PHIP: variants seen among roughly 807,000 people sequenced by gnomAD.
PHIP encodes PHIP subunit of CUL4-Ring ligase complex, also known as PH-interacting protein.
Under a neutral mutation model 236.8 loss-of-function variants are expected in PHIP, and 54 were observed. That is an observed-to-expected ratio of 0.23 (90% confidence interval 0.18 to 0.29). The LOEUF is 0.29. Ranked by LOEUF, PHIP falls within the 10% of genes least tolerant of loss-of-function variation. The pLI is 1.00. For missense variants in PHIP, 1,370 were observed against 2,190.8 expected (o/e 0.63, Z 7.48); for synonymous variants, 756 against 718.9 (o/e 1.05, Z -0.83).
At chr6:79,018,832 T>G (rs944160378) in intron 10 of PHIP, among the ~76,000 whole-genome samples, 4 of 152,108 alleles carry the variant, frequency 2.6e-5, no homozygotes, top group Middle Eastern at 3.4e-3. Context: ...ATTTTGAAAC[T>G]ATTTATTCTC....
intron 4 of PHIP, among the ~76,000 whole-genome samples, chr6:79,077,062 G>C (rs1231292373): frequency 6.6e-6 from 1 of 152,084 alleles, no homozygotes; most frequent in African/African-American, 2.4e-5. Flanking sequence ...CGTGCAGAGC[G>C]AGCAAGCGAA....
chr6:78,948,188 A>C (rs2127684061), intron 35 of PHIP, among the ~76,000 whole-genome samples: 1 of 152,338 alleles, frequency 6.6e-6, no homozygotes, highest in South Asian at 2.1e-4. Flanking sequence ...GGAAATAAAA[A>C]CAATGGAAGT....
intron 14 of PHIP, 110 bp downstream of exon 14, chr6:79,015,520 C>CAGCA: frequency 2.4e-6 from 2 of 825,826 alleles, no homozygotes; most frequent in Non-Finnish European, 3.8e-6. Flanking sequence ...GCCGTTACCC[C>CAGCA]AGCAAGCAAG....
chr6:79,041,075 A>G (rs2127759027), intron 7 of PHIP, among the ~76,000 whole-genome samples: 1 of 152,270 alleles, frequency 6.6e-6, no homozygotes, highest in South Asian at 2.1e-4. Context: ...TTTTTTCTGT[A>G]CAGAGCTGGA....
intron 32 of PHIP, chr6:78,956,457 G>C (rs941137460): frequency 6.6e-6 from 1 of 152,030 alleles, no homozygotes; most frequent in African/African-American, 2.4e-5. Flanking sequence ...AATTAAATTA[G>C]ACACTGCAGT....
chr6:79,072,514 CTG>C (rs1773938236), intron 4 of PHIP, among the ~76,000 whole-genome samples: 1 of 151,788 alleles, frequency 6.6e-6, no homozygotes, highest in Admixed American at 6.6e-5. Context: ...CAGGGTATCA[CTG>C]TGTCACCCAC....
chr6:78,993,963 A>G (rs1305051296), intron 19 of PHIP, among the ~76,000 whole-genome samples: 3 of 152,240 alleles, frequency 2.0e-5, no homozygotes, highest in Non-Finnish European at 2.9e-5. Context: ...TGTAGATGCC[A>G]TTAAGAACAT....
At chr6:78,993,708 T>C (rs561085172) in intron 19 of PHIP, among the ~76,000 whole-genome samples, 1 of 152,332 alleles carries the variant, frequency 6.6e-6, no homozygotes, top group South Asian at 2.1e-4. Flanking sequence ...TTTCAAAATA[T>C]TACTGTTCAT....
intron 15 of PHIP, among the ~76,000 whole-genome samples, chr6:79,007,236 C>T (rs931872985): frequency 2.0e-5 from 3 of 152,018 alleles, no homozygotes; most frequent in African/African-American, 4.8e-5. Context: ...GTACTATACA[C>T]AACTAACATA....
intron 7 of PHIP, among the ~76,000 whole-genome samples, chr6:79,037,401 G>A (rs1316135113): frequency 2.6e-5 from 4 of 152,142 alleles, no homozygotes; most frequent in East Asian, 1.9e-4. Context: ...AGAACACAAC[G>A]TCAACACATC....
In PHIP at chr6:78,966,007, G is replaced by A. The variant is rs1269812345; in HGVS notation, c.3255C>T (p.Ile1085=). 6 of 1,613,584 alleles carry A rather than the reference G, an allele frequency of 3.7e-6. No individual in the cohort carries two copies. The highest frequency in any genetic ancestry group is 1.7e-5 in the Admixed American group (1 of 59,990). ...VIDDAWWFGT[I]ESQEPLQLEY... ...CAAGTTGAAGAGGTTCCTGGCTTTC[G>A]ATTGTTCCAAACCACCAGGCATCAT... The change falls in exon 28 of 40, where the codon ATC becomes ATT. Residue 1085 remains isoleucine, a synonymous_variant. Transcript: ENST00000275034.
chr6:78,968,676 T>C (rs1767314164), intron 27 of PHIP, among the ~76,000 whole-genome samples: 1 of 152,236 alleles, frequency 6.6e-6, no homozygotes, highest in Non-Finnish European at 1.5e-5. Context: ...AAATACTGCT[T>C]GCTCCTAAGC....
chr6:78,946,845 A>C lies in PHIP; in HGVS notation c.4236T>G (p.Ala1412=), dbSNP rs2275291. 7 of 1,575,518 alleles carry C rather than the reference A, an allele frequency of 4.4e-6. No individual in the cohort carries two copies. Among genetic ancestry groups the C allele is most frequent in the Non-Finnish European group, 8.6e-7 (1 of 1,165,742 alleles). Residue 1412 remains alanine, a synonymous_variant, in exon 37 of 40, where the codon GCT becomes GCG. Coordinates refer to ENST00000275034, the MANE Select transcript of PHIP (RefSeq NM_017934.7). ...RIYSMSLRLS[A]FFEEHISSVL... ...CTGAACTAATGTGTTCTTCAAAGAA[A>C]GCAGACAGGCGCAAACTCATGCTGT...
chr6:79,012,853 T>G (rs1770659552), intron 15 of PHIP, among the ~76,000 whole-genome samples: 1 of 151,636 alleles, frequency 6.6e-6, no homozygotes, highest in Non-Finnish European at 1.5e-5. Flanking sequence ...TTAGGGCAAT[T>G]AGATAACTCA....
At position 79,017,194 on chromosome 6, in the gene PHIP, C is replaced by T. The variant is rs1770875007; in HGVS notation, c.1136+152G>A. The T allele has an allele frequency of 1.4e-5, 7 of 517,476 alleles. No individual in the cohort carries two copies. In the South Asian group the frequency reaches 2.4e-4, roughly 18 times the overall value. The allele number at this position is 517,476 out of a possible 1,614,324, so 32.1% of individuals were successfully genotyped here. A position where few individuals can be genotyped will look rare whatever the true frequency, so the allele number is the denominator to read the frequency against. On this transcript the variant is annotated intron_variant, in intron 12 of 39. Coordinates refer to ENST00000275034, the MANE Select transcript of PHIP (RefSeq NM_017934.7). ...CAAATAAGAGAAAGACGTGCCTATG[C>T]ATGTGAAGGCTATATTCACTTTTAA... is the stretch of plus-strand genomic sequence containing the variant.
intron 29 of PHIP, among the ~76,000 whole-genome samples, chr6:78,965,138 C>T (rs2127700748): frequency 6.6e-6 from 1 of 152,252 alleles, no homozygotes; most frequent in East Asian, 1.9e-4. Context: ...ACAACTATAT[C>T]TTCATTGAGC....
At position 79,023,909 on chromosome 6, in the gene PHIP, G is replaced by A. The variant is rs796565513; in HGVS notation, c.923+1610C>T. Among the ~76,000 whole-genome samples, 48 of 152,160 alleles carry A rather than the reference G, an allele frequency of 3.2e-4. 1 individual carries two copies. The highest frequency in any genetic ancestry group is 1.1e-3 in the African/African-American group (44 of 41,522). ...TTTTCTTCTCTAAAACAATAAGACA[G>A]GAAAAGAGAAAGGTATCCCCATCAG... On this transcript the variant is annotated intron_variant, in intron 9 of 39. Coordinates refer to ENST00000275034, the MANE Select transcript of PHIP (RefSeq NM_017934.7).
chr6:78,996,301 C>T (rs1769611934), intron 19 of PHIP, among the ~76,000 whole-genome samples: 1 of 152,176 alleles, frequency 6.6e-6, no homozygotes, highest in South Asian at 2.1e-4. Context: ...CTATCTGTGT[C>T]TGGTGAATAT....
chr6:78,996,574 T>A (rs1769631740), intron 19 of PHIP, among the ~76,000 whole-genome samples: 1 of 152,226 alleles, frequency 6.6e-6, no homozygotes, highest in African/African-American at 2.4e-5. Context: ...TTAATTAATT[T>A]ATGACGGATA....
Sources: allele counts gnomAD v4.1 joint callset (sites outside exome capture counted in the v4.1 genomes callset), GRCh38; gene constraint gnomAD v4.1.1; transcripts MANE v1.5; gene names NCBI Gene and HGNC (gene_info 2026-07-23, HGNC 2026-07-21).